Variants in CACNA1C observed in about 807,000 individuals in gnomAD.
CACNA1C encodes calcium voltage-gated channel subunit alpha1 C.
Under a neutral mutation model 229.0 loss-of-function variants are expected in CACNA1C, and 30 were observed. The observed-to-expected ratio is 0.13, with a 90% CI of 0.10 to 0.18. The LOEUF (loss-of-function observed/expected upper bound fraction) is 0.18, where lower values mean the gene tolerates loss of function less well. Ranked by LOEUF, CACNA1C falls within the 10% of genes least tolerant of loss-of-function variation. CACNA1C has a pLI of 1.00. For missense variants in CACNA1C, 1,658 were observed against 2,845.0 expected, an observed-to-expected ratio of 0.58 and a Z score of 9.49; for synonymous variants, 1,114 against 1,132.5, an observed-to-expected ratio of 0.98 and a Z score of 0.33.
At chr12:2,204,812 AG>A (rs2097704236) in intron 3 of CACNA1C, among the ~76,000 whole-genome samples, 1 of 77,518 alleles carries the variant, frequency 1.3e-5, no homozygotes. Context: ...GGGAGGGGGG[AG>A]GGATAGCATT....
intron 3 of CACNA1C, among the ~76,000 whole-genome samples, chr12:2,327,686 G>A (rs1217902463): frequency 6.6e-6 from 1 of 152,218 alleles, no homozygotes; most frequent in Non-Finnish European, 1.5e-5. Flanking sequence ...AAATGACTAG[G>A]AAATGGATGG....
intron 10 of CACNA1C, among the ~76,000 whole-genome samples, chr12:2,555,720 G>T (rs550051268): frequency 6.6e-6 from 1 of 152,344 alleles, no homozygotes; most frequent in East Asian, 1.9e-4. Flanking sequence ...GAGCAGTAAA[G>T]GCGCTTGGCT....
intron 18 of CACNA1C, among the ~76,000 whole-genome samples, chr12:2,592,120 T>G (rs1477438519): frequency 1.3e-5 from 2 of 152,218 alleles, no homozygotes; most frequent in African/African-American, 4.8e-5. Context: ...TTCAACCCAC[T>G]GTAGTGAAGT....
chr12:2,201,783 C>T (rs1012389810), intron 3 of CACNA1C, among the ~76,000 whole-genome samples: 1 of 152,172 alleles, frequency 6.6e-6, no homozygotes, highest in Non-Finnish European at 1.5e-5. Context: ...TCTCCAAGAA[C>T]CCTCCAGCAG....
At chr12:2,031,599 T>C (rs1047517999) in intron 1 of CACNA1C, among the ~76,000 whole-genome samples, 18 of 152,238 alleles carry the variant, frequency 1.2e-4, no homozygotes, top group Non-Finnish European at 2.4e-4. Context: ...CTTGGGTCTC[T>C]ATCTCTCTAC....
At chr12:2,625,543 G>A (rs1406603644) in intron 29 of CACNA1C, among the ~76,000 whole-genome samples, 1 of 152,146 alleles carries the variant, frequency 6.6e-6, no homozygotes, top group Non-Finnish European at 1.5e-5. Context: ...AGTACAGGAA[G>A]GTAGCCTCTC....
intron 8 of CACNA1C, among the ~76,000 whole-genome samples, chr12:2,511,222 C>T (rs1475602153): frequency 6.6e-6 from 1 of 152,176 alleles, no homozygotes; most frequent in Admixed American, 6.5e-5. Context: ...CCACATTCTC[C>T]CAATTAAAAA....
intron 3 of CACNA1C, among the ~76,000 whole-genome samples, chr12:2,189,937 G>A (rs143964437): frequency 1.4e-4 from 22 of 152,344 alleles, no homozygotes; most frequent in African/African-American, 4.8e-4. Context: ...GGTGAGAGCC[G>A]AAACCTTCAA....
intron 3 of CACNA1C, among the ~76,000 whole-genome samples, chr12:2,417,256 G>A (rs2098919962): frequency 6.6e-6 from 1 of 152,164 alleles, no homozygotes; most frequent in African/African-American, 2.4e-5. Context: ...TGTATCTGTG[G>A]CTCCCGCCCG....
At chr12:2,259,276 G>A (rs2079139951) in intron 3 of CACNA1C, among the ~76,000 whole-genome samples, 1 of 152,196 alleles carries the variant, frequency 6.6e-6, no homozygotes. Flanking sequence ...GTTCTAACAA[G>A]CCCACCAGGT....
At chr12:2,417,318 T>C (rs1294016462) in intron 3 of CACNA1C, among the ~76,000 whole-genome samples, 1 of 152,218 alleles carries the variant, frequency 6.6e-6, no homozygotes. Context: ...CTTGCAGTCA[T>C]TCACCTTCAC....
intron 1 of CACNA1C, among the ~76,000 whole-genome samples, chr12:2,078,730 A>G (rs1238342324): frequency 6.6e-6 from 1 of 152,322 alleles, no homozygotes; most frequent in East Asian, 1.9e-4. Context: ...GCGATTCCTC[A>G]GGGATCTAGA....
chr12:2,317,688 A>G (rs1018762218), intron 3 of CACNA1C, among the ~76,000 whole-genome samples: 5 of 152,360 alleles, frequency 3.3e-5, no homozygotes, highest in African/African-American at 9.6e-5. Context: ...TTAAAAACAC[A>G]AAAGGAACTC....
chr12:2,597,221 GT>G lies in CACNA1C; in HGVS notation c.2794-5del, dbSNP rs1555860850. On this transcript the variant is annotated splice_region_variant and splice_polypyrimidine_tract_variant and intron_variant, in intron 20 of 46. Transcript: ENST00000399655. The surrounding 1 kb of genome is among the most constrained non-coding windows in gnomAD (Gnocchi z 4.3). ...TCCCATCCCCACCCTGTTCCTTTTT[GT>G]TTTGCAGATTCTGTTTTATTTTGAT... 3 of 1,539,210 alleles carry G rather than the reference GT, an allele frequency of 1.9e-6. No homozygotes were observed. The highest frequency in any genetic ancestry group is 1.8e-6 in the Non-Finnish European group (2 of 1,113,658).
In CACNA1C at chr12:2,403,899, C is replaced by A. The variant is rs2154551757; in HGVS notation, c.478-45077C>A. 6.6e-6 allele frequency among the ~76,000 whole-genome samples: 1 copy of A among 152,316 alleles called. No individual in the cohort carries two copies. Among genetic ancestry groups the A allele is most frequent in the African/African-American group, 2.4e-5 (1 of 41,574 alleles). Reference sequence around the variant, plus strand: ...GGGACTTTCTCAGAGATGCCTGTTTCCACCTAGAGGAAAGACTTAATGATT... The same window carrying A: ...GGGACTTTCTCAGAGATGCCTGTTTACACCTAGAGGAAAGACTTAATGATT... On this transcript the variant is annotated intron_variant, in intron 3 of 46. Transcript: ENST00000399655. This position sits in a 1 kb window ranked among gnomAD's most constrained non-coding sequence, Gnocchi z 4.1.
At chr12:2,568,691 C>A (rs897015064) in intron 13 of CACNA1C, among the ~76,000 whole-genome samples, 3 of 151,856 alleles carry the variant, frequency 2.0e-5, no homozygotes, top group African/African-American at 7.3e-5. Flanking sequence ...TGTATGATTC[C>A]ATTTATATGT....
At chr12:2,451,810 C>T (rs1310625791) in intron 4 of CACNA1C, among the ~76,000 whole-genome samples, 3 of 152,224 alleles carry the variant, frequency 2.0e-5, no homozygotes, top group East Asian at 3.8e-4. Context: ...CAGTTGTGTG[C>T]TCCTGTTTCT....
At chr12:2,400,245 T>C (rs2098658284) in intron 3 of CACNA1C, among the ~76,000 whole-genome samples, 1 of 152,166 alleles carries the variant, frequency 6.6e-6, no homozygotes, top group Non-Finnish European at 1.5e-5. Flanking sequence ...CCTGTGGAGC[T>C]CTAGAAACCA....
rs1216957980 is a variant in CACNA1C at position 2,630,281 on chromosome 12, A to G, written c.3829-4016A>G. On this transcript the variant is annotated intron_variant, in intron 29 of 46. Coordinates refer to ENST00000399655, the MANE Select transcript of CACNA1C (RefSeq NM_000719.7). The surrounding 1 kb of genome is among the most constrained non-coding windows in gnomAD (Gnocchi z 5.4). ...ATTTTTTTCCCACCCTCCCTTCTCCATTACACCCTTAAAACCCCTATTACT... is the reference window on the plus strand; with the variant it reads ...ATTTTTTTCCCACCCTCCCTTCTCCGTTACACCCTTAAAACCCCTATTACT... 3.9e-5 allele frequency among the ~76,000 whole-genome samples: 6 copies of G among 152,092 alleles called. No individual in the cohort carries two copies. The highest frequency in any genetic ancestry group is 7.4e-5 in the Non-Finnish European group (5 of 68,018).
Sources: gnomAD v4.1 joint callset for allele counts (sites outside exome capture counted in the v4.1 genomes callset) on GRCh38, gnomAD v4.1.1 for gene constraint, Gnocchi (gnomAD v3.1) non-coding constraint, MANE v1.5 for transcripts, NCBI Gene and HGNC (gene_info 2026-07-23, HGNC 2026-07-21) for gene names.